The following CYB5R3 variants were observed in gnomAD, a reference collection of about 807,000 sequenced individuals.
CYB5R3 encodes the protein cytochrome b5 reductase 3, also known as NADH-cytochrome b5 reductase 3.
Under a neutral mutation model 36.5 loss-of-function variants are expected in CYB5R3, and 28 were observed. The observed-to-expected ratio is 0.77, with a 90% CI of 0.57 to 1.05. The LOEUF is 1.05. Ranked by LOEUF, CYB5R3 falls within the 50% of genes least tolerant of loss-of-function variation. CYB5R3 has a pLI of 0.00. For synonymous variants in CYB5R3, 181 were observed against 159.8 expected, an observed-to-expected ratio of 1.13 and a Z score of -1.00; for missense variants, 474 against 408.9, an observed-to-expected ratio of 1.16 and a Z score of -1.37.
intron 1 of CYB5R3, among the ~76,000 whole-genome samples, chr22:42,641,698 C>T (rs1193863790): frequency 6.6e-6 from 1 of 152,222 alleles, no homozygotes; most frequent in Non-Finnish European, 1.5e-5. Context: ...GTTGGCCAGG[C>T]TGGTCTCGAA....
intron 1 of CYB5R3, among the ~76,000 whole-genome samples, chr22:42,642,287 T>C (rs1929319360): frequency 1.3e-5 from 2 of 152,136 alleles, no homozygotes; most frequent in African/African-American, 4.8e-5. Flanking sequence ...AATTTTTTTG[T>C]ATTTTTTGTA....
chr22:42,630,911 C>A lies in CYB5R3; in HGVS notation c.304G>T (p.Asp102Tyr). The A allele has an allele frequency of 6.2e-7, 1 of 1,613,942 alleles. No homozygotes were observed. Among genetic ancestry groups the A allele is most frequent in the South Asian group, 1.1e-5 (1 of 90,952 alleles). ...ATGACCAGGTCCACGAAGCCCTTGTCATCATCGCTGGAGATGGGTGTATAG... is the reference window on the plus strand; with the variant it reads ...ATGACCAGGTCCACGAAGCCCTTGTAATCATCGCTGGAGATGGGTGTATAG... ...RPYTPISSDD[D>Y]KGFVDLVIKV... The change falls in exon 4 of 9, where the codon GAC becomes TAC. Residue 102 changes from aspartate (D) to tyrosine (Y), a missense_variant. Physicochemically the swap from Asp to Tyr is radical, Grantham distance 160. Coordinates refer to ENST00000352397, the MANE Select transcript of CYB5R3 (RefSeq NM_000398.7).
At chr22:42,641,539 G>A (rs770306249) in intron 1 of CYB5R3, among the ~76,000 whole-genome samples, 2 of 152,124 alleles carry the variant, frequency 1.3e-5, no homozygotes, top group Admixed American at 6.5e-5. Context: ...AGGCTGGAGT[G>A]CAGTGGTGAG....
At chr22:42,634,597 C>T (rs550341447) in intron 2 of CYB5R3, among the ~76,000 whole-genome samples, 86 of 151,708 alleles carry the variant, frequency 5.7e-4, no homozygotes, top group African/African-American at 2.0e-3. Context: ...CAGGCATCTG[C>T]CACCACGCCC....
intron 7 of CYB5R3, among the ~76,000 whole-genome samples, chr22:42,624,908 G>C (rs1458789506): frequency 1.3e-5 from 2 of 152,122 alleles, no homozygotes; most frequent in Non-Finnish European, 2.9e-5. Flanking sequence ...CCTGAATACG[G>C]GAATCACCAG....
At chr22:42,624,651 G>C (rs1050042325) in intron 7 of CYB5R3, among the ~76,000 whole-genome samples, 10 of 138,506 alleles carry the variant, frequency 7.2e-5, no homozygotes, top group African/African-American at 2.2e-4. Flanking sequence ...CCCAGCGTTT[G>C]CAGGTCACAC....
rs911989776 is a variant in CYB5R3 at position 42,630,783 on chromosome 22, G to C, written c.333+99C>G. On this transcript the variant is annotated intron_variant, in intron 4 of 8. Transcript: ENST00000352397. ...CCATGACCGAGGCTGGGCTGCACAG[G>C]GCAGGAGCGGGAGACTTCCCTGTCC... 3.6e-5 allele frequency: 37 copies of C among 1,034,816 alleles called. No individual in the cohort carries two copies. In the African/African-American group the frequency reaches 4.8e-4, roughly 13 times the overall value. 64.1% of individuals were successfully genotyped at this position (1,034,816 alleles called of 1,614,324 possible).
At chr22:42,623,983 G>T in intron 7 of CYB5R3, 95 bp from the exon 8 acceptor site, 1 of 1,086,710 alleles carries the variant, frequency 9.2e-7, no homozygotes, top group Non-Finnish European at 1.4e-6. Flanking sequence ...GCGCCCGCCT[G>T]CGGGCCACAC....
Position 42,627,337 on chromosome 22 carries a change from G to A in CYB5R3, c.600C>T (p.Asp200=). 6.2e-7 allele frequency: 1 copy of A among 1,614,010 alleles called. No individual in the cohort carries two copies. The highest frequency in any genetic ancestry group is 8.5e-7 in the Non-Finnish European group (1 of 1,179,994). Residue 200 remains aspartate (D), a synonymous_variant, in exon 7 of 9, where the codon GAC becomes GAT. Transcript: ENST00000352397. Reference sequence around the variant, plus strand: ...CAAAGAGCAGGTGGCACACAGTGTGGTCATCAGGGTCCTTCATGATGGCGC... The same window carrying A: ...CAAAGAGCAGGTGGCACACAGTGTGATCATCAGGGTCCTTCATGATGGCGC... ...VIRAIMKDPD[D]HTVCHLLFAN...
chr22:42,625,331 A>ACC (rs1440351441), intron 7 of CYB5R3, among the ~76,000 whole-genome samples: 1 of 151,796 alleles, frequency 6.6e-6, no homozygotes, highest in Non-Finnish European at 1.5e-5. Flanking sequence ...ACATGGTGAA[A>ACC]CCCCGTCTCT....
At chr22:42,638,503 C>T (rs1471465481) in intron 1 of CYB5R3, among the ~76,000 whole-genome samples, 3 of 134,418 alleles carry the variant, frequency 2.2e-5, no homozygotes, top group Non-Finnish European at 3.2e-5. Flanking sequence ...CAGTAGTTCG[C>T]GACCAGCCTG....
chr22:42,644,597 G>A (rs1025337388), intron 1 of CYB5R3: 3 of 1,503,828 alleles, frequency 2.0e-6, no homozygotes, highest in Non-Finnish European at 2.7e-6. Context: ...CACAGCCCCT[G>A]GTCCCTTCTG....
chr22:42,636,414 T>G (rs1487107750), intron 2 of CYB5R3, among the ~76,000 whole-genome samples: 1 of 152,148 alleles, frequency 6.6e-6, no homozygotes, highest in Non-Finnish European at 1.5e-5. Context: ...TCTCACCCCC[T>G]GCATTCCTAC....
intron 4 of CYB5R3, 37 bp from the exon 5 acceptor site, chr22:42,628,318 C>T (rs758574315): frequency 1.2e-6 from 2 of 1,611,772 alleles, no homozygotes; most frequent in South Asian, 1.1e-5. Flanking sequence ...TCCCCAGCTC[C>T]AGGTCTCAGG....
rs748815592 is a variant in CYB5R3 at position 42,627,554 on chromosome 22, C to T, written c.547+51G>A. 13 of 1,563,502 alleles carry T rather than the reference C, an allele frequency of 8.3e-6. No individual in the cohort carries two copies. In the African/African-American group the frequency reaches 1.4e-4, roughly 16 times the overall value. On this transcript the variant is annotated intron_variant, in intron 6 of 8. Coordinates refer to ENST00000352397, the MANE Select transcript of CYB5R3 (RefSeq NM_000398.7). ...AACCTGCGCCTCACCCACACCCCAA[C>T]CCCACCCTTAACATGAGCCGCCGGA...
chr22:42,623,519 C>A (rs549673695), intron 8 of CYB5R3, among the ~76,000 whole-genome samples: 23 of 152,324 alleles, frequency 1.5e-4, no homozygotes, highest in African/African-American at 5.5e-4. Flanking sequence ...GCCTTCTCTG[C>A]CCAGCTGGGC....
chr22:42,631,088 G>A, intron 3 of CYB5R3, 100 bp from the exon 4 acceptor site: 1 of 1,126,116 alleles, frequency 8.9e-7, no homozygotes, highest in South Asian at 1.3e-5. Context: ...GGCATTCAAA[G>A]CCTGGCCTGG....
chr22:42,644,709 G>A (rs943501860), intron 1 of CYB5R3: 11 of 963,870 alleles, frequency 1.1e-5, no homozygotes, highest in Middle Eastern at 5.2e-4. Flanking sequence ...TAGGGAAAAA[G>A]TTGGCCGAAG....
chr22:42,626,929 C>T lies in CYB5R3; in HGVS notation c.633+375G>A, dbSNP rs973824439. On this transcript the variant is annotated intron_variant, in intron 7 of 8. Transcript: ENST00000352397. ...CTGACACCCTGTAGCTCAGGGGCTT[C>T]GTGCAAATGTCTGGTCATTTGTAAG... 7.9e-5 allele frequency among the ~76,000 whole-genome samples: 12 copies of T among 152,290 alleles called. 1 individual carries two copies. The highest frequency in any genetic ancestry group is 4.1e-4 in the South Asian group (2 of 4,826).
Sources: allele counts gnomAD v4.1 joint callset (sites outside exome capture counted in the v4.1 genomes callset), GRCh38; gene constraint gnomAD v4.1.1; transcripts MANE v1.5; gene names NCBI Gene and HGNC (gene_info 2026-07-23, HGNC 2026-07-21).